Variants in NECTIN2 observed in about 807,000 individuals in gnomAD.
NECTIN2 encodes the protein nectin-2.
In NECTIN2, 23 loss-of-function variants were observed where a neutral mutation model predicts 56.9. The observed-to-expected ratio is 0.40, with a 90% confidence interval of 0.29 to 0.57. The LOEUF is 0.57. Among genes scored for constraint, NECTIN2 ranks in the 20% least tolerant of loss-of-function variants. The probability of loss-of-function intolerance (pLI) is 0.38; values close to 1 mark genes in which losing one functional copy is unlikely to be tolerated. For missense variants in NECTIN2, 587 were observed against 718.3 expected, an observed-to-expected ratio of 0.82 and a Z score of 2.09; for synonymous variants, 302 against 313.8, an observed-to-expected ratio of 0.96 and a Z score of 0.40.
chr19:44,873,943 A>G lies in NECTIN2; in HGVS notation c.803A>G (p.Tyr268Cys). Residue 268 changes from tyrosine to cysteine, a missense_variant, in exon 4 of 9, where the codon TAT becomes TGT. By Grantham distance (194) the Tyr-to-Cys change is radical (BLOSUM62 -2). Transcript: ENST00000252483. The part of the protein sequence containing the change: ...RYPPEVSISG[Y>C]DDNWYLGRTD... The stretch of plus-strand genomic sequence containing the variant: ...CCTCCTGAAGTGTCCATCTCCGGCT[A>G]TGATGACAACTGGTACCTCGGCCGT... 6.2e-7 allele frequency: 1 copy of G among 1,614,020 alleles called. No homozygotes were observed. The highest frequency in any genetic ancestry group is 8.5e-7 in the Non-Finnish European group (1 of 1,179,926).
intron 1 of NECTIN2, among the ~76,000 whole-genome samples, chr19:44,847,169 G>A (rs1968846000): frequency 6.6e-6 from 1 of 152,186 alleles, no homozygotes; most frequent in Non-Finnish European, 1.5e-5. Context: ...CTAAGGATAA[G>A]AGTTCTGGCG....
At chr19:44,881,737 G>A (rs893878145) in intron 5 of NECTIN2, among the ~76,000 whole-genome samples, 3 of 152,092 alleles carry the variant, frequency 2.0e-5, no homozygotes, top group Non-Finnish European at 2.9e-5. Flanking sequence ...GGCTGTTTGC[G>A]CTGCCTGCGA....
intron 2 of NECTIN2, among the ~76,000 whole-genome samples, chr19:44,866,168 C>T (rs1323564250): frequency 6.9e-6 from 1 of 145,826 alleles, no homozygotes; most frequent in African/African-American, 2.5e-5. Flanking sequence ...GAGCAAGACT[C>T]GGTCTAAAAA....
At chr19:44,846,833 C>T (rs1003316600) in intron 1 of NECTIN2, among the ~76,000 whole-genome samples, 5 of 151,730 alleles carry the variant, frequency 3.3e-5, no homozygotes, top group African/African-American at 7.3e-5. Context: ...ACCACCACCC[C>T]CATCCTTCTT....
chr19:44,884,515 A>G (rs762892417), intron 6 of NECTIN2, among the ~76,000 whole-genome samples: 1 of 152,158 alleles, frequency 6.6e-6, no homozygotes, highest in Non-Finnish European at 1.5e-5. Flanking sequence ...GGTCTGTTAC[A>G]CCACTGTCTT....
chr19:44,880,774 ATT>A (rs750316064), intron 5 of NECTIN2, among the ~76,000 whole-genome samples: 29 of 122,038 alleles, frequency 2.4e-4, no homozygotes, highest in Non-Finnish European at 3.3e-4. Context: ...CCCCTGGCTA[ATT>A]TTTTTTTTTT....
chr19:44,853,388 G>A (rs971050868), intron 1 of NECTIN2, among the ~76,000 whole-genome samples: 1 of 151,748 alleles, frequency 6.6e-6, no homozygotes, highest in African/African-American at 2.4e-5. Flanking sequence ...ATAGAGACGT[G>A]GTTTCACCGT....
intron 1 of NECTIN2, among the ~76,000 whole-genome samples, chr19:44,854,958 T>C (rs575581861): frequency 6.7e-6 from 1 of 149,298 alleles, no homozygotes; most frequent in South Asian, 2.1e-4. Context: ...ACCCCATCTC[T>C]ACTAAAAAAA....
chr19:44,874,374 A>G lies in NECTIN2; in HGVS notation c.938A>G (p.Gln313Arg). ...ACCTCCGCAGTGGCCCAGGGCTCCC[A>G]GCTGGTCATCCACGCAGTGGACAGT... ...FPTSAVAQGS[Q>R]LVIHAVDSLF... Residue 313 changes from glutamine (Q) to arginine (R), a missense_variant, in exon 5 of 9, where the codon CAG becomes CGG. Gln to Arg is a conservative substitution (Grantham distance 43). Transcript: ENST00000252483. The surrounding 1 kb of genome is among the most constrained non-coding windows in gnomAD (Gnocchi z 6.3). 6.2e-7 allele frequency: 1 copy of G among 1,614,116 alleles called. No individual in the cohort carries two copies. Among genetic ancestry groups the G allele is most frequent in the South Asian group, 1.1e-5 (1 of 91,090 alleles).
intron 2 of NECTIN2, among the ~76,000 whole-genome samples, chr19:44,868,984 A>T (rs1311596459): frequency 1.3e-5 from 2 of 151,302 alleles, no homozygotes; most frequent in Non-Finnish European, 2.9e-5. Context: ...AAGCCACGTC[A>T]CTCTGGATGC....
chr19:44,884,171 T>C (rs1241505239), intron 6 of NECTIN2, among the ~76,000 whole-genome samples: 1 of 152,090 alleles, frequency 6.6e-6, no homozygotes, highest in African/African-American at 2.4e-5. Context: ...ATGCAAAATT[T>C]GTTTTTTTGA....
intron 1 of NECTIN2, among the ~76,000 whole-genome samples, chr19:44,854,728 A>T (rs1180716846): frequency 6.6e-6 from 1 of 151,788 alleles, no homozygotes; most frequent in African/African-American, 2.4e-5. Flanking sequence ...CAGGAGAATC[A>T]CTTGAGCTGG....
At chr19:44,887,584 G>A (rs943727865) in intron 8 of NECTIN2, among the ~76,000 whole-genome samples, 4 of 152,160 alleles carry the variant, frequency 2.6e-5, no homozygotes, top group African/African-American at 9.7e-5. Flanking sequence ...GGCAGAGGTT[G>A]CAGTGAGCCC....
intron 1 of NECTIN2, among the ~76,000 whole-genome samples, chr19:44,860,594 T>C (rs1331024289): frequency 6.6e-6 from 1 of 151,926 alleles, no homozygotes; most frequent in African/African-American, 2.4e-5. Flanking sequence ...GTATTTTTTA[T>C]TTTACTTTTT....
chr19:44,862,050 T>C lies in NECTIN2; in HGVS notation c.89-3221T>C, dbSNP rs7258379. Among the ~76,000 whole-genome samples the C allele has an allele frequency of 4.8e-3, 737 of 152,298 alleles. 4 individuals are homozygous for C. The highest frequency in any genetic ancestry group is 0.016 in the African/African-American group (681 of 41,568). ...TACAAAGATACATGTATGCGTATGT[T>C]CATTGCAGGACTATTCACAATACCA... is the stretch of plus-strand genomic sequence containing the variant. On this transcript the variant is annotated intron_variant, in intron 1 of 8. Transcript: ENST00000252483.
chr19:44,871,027 T>G (rs1471798412), intron 2 of NECTIN2, among the ~76,000 whole-genome samples: 1 of 151,990 alleles, frequency 6.6e-6, no homozygotes, highest in African/African-American at 2.4e-5. Context: ...ACTGCGCCCA[T>G]CCTAATTTTT....
intron 1 of NECTIN2, 136 bp downstream of exon 1, chr19:44,846,749 C>A: frequency 1.0e-6 from 1 of 1,000,388 alleles, no homozygotes; most frequent in Non-Finnish European, 1.4e-6. Context: ...TCCTGGCTGG[C>A]CCCACAGACT....
intron 3 of NECTIN2, among the ~76,000 whole-genome samples, chr19:44,872,462 A>G (rs1365814911): frequency 6.6e-6 from 1 of 152,124 alleles, no homozygotes; most frequent in Non-Finnish European, 1.5e-5. Context: ...GTAGCTTGAA[A>G]TCAACCTTGG....
chr19:44,848,645 G>A (rs1385138882), intron 1 of NECTIN2, among the ~76,000 whole-genome samples: 1 of 149,180 alleles, frequency 6.7e-6, no homozygotes, highest in African/African-American at 2.5e-5. Flanking sequence ...CTGGCTGGCC[G>A]GCTGGCATGT....
Sources: allele counts gnomAD v4.1 joint callset (sites outside exome capture counted in the v4.1 genomes callset), GRCh38; gene constraint gnomAD v4.1.1; non-coding constraint Gnocchi (gnomAD v3.1); transcripts MANE v1.5; gene names NCBI Gene and HGNC (gene_info 2026-07-23, HGNC 2026-07-21).